POLQ: variants seen among roughly 807,000 people sequenced by gnomAD.
POLQ encodes epididymis secretory sperm binding protein.
POLQ carries 233 observed loss-of-function variants against 259.2 expected under a neutral mutation model. The ratio of observed to expected loss-of-function variants is 0.90; its 90% CI spans 0.81 to 1.00. The LOEUF is 1.00. POLQ is among the 50% of genes least tolerant of loss of function. The pLI, the probability that POLQ is intolerant of heterozygous loss-of-function variation, is 0.00. For synonymous variants in POLQ, 1,025 were observed against 1,048.8 expected (o/e 0.98, Z 0.44); for missense variants, 2,871 against 3,051.6 (o/e 0.94, Z 1.39).
intron 24 of POLQ, 35 bp downstream of exon 24, chr3:121,467,484 G>A (rs749183505): frequency 1.2e-6 from 2 of 1,605,554 alleles, no homozygotes; most frequent in African/African-American, 1.3e-5. Flanking sequence ...CATTCTCACA[G>A]CAATGAGAAG....
intron 7 of POLQ, 52 bp downstream of exon 7, chr3:121,529,593 T>C: frequency 1.3e-6 from 2 of 1,555,340 alleles, no homozygotes; most frequent in East Asian, 2.2e-5. Flanking sequence ...CTACCATTAC[T>C]TTCAAGCAAA....
chr3:121,478,531 A>G (rs1023791742), intron 19 of POLQ, among the ~76,000 whole-genome samples: 5 of 151,440 alleles, frequency 3.3e-5, no homozygotes, highest in Non-Finnish European at 7.4e-5. Flanking sequence ...TCAATAATCA[A>G]ATAAGCAGAA....
chr3:121,497,097 C>G (rs1186334302), intron 13 of POLQ, among the ~76,000 whole-genome samples, 165 bp from the exon 14 acceptor site: 2 of 152,150 alleles, frequency 1.3e-5, no homozygotes, highest in African/African-American at 4.8e-5. Context: ...AGGCTGAGAT[C>G]AATGCTTGCA....
chr3:121,494,341 T>C, intron 14 of POLQ: 11 of 1,598,060 alleles, frequency 6.9e-6, no homozygotes, highest in Non-Finnish European at 9.4e-6. Context: ...AAGTGCCTCC[T>C]GCGATTAACC....
intron 10 of POLQ, among the ~76,000 whole-genome samples, 183 bp from the exon 11 acceptor site, chr3:121,510,426 A>C (rs1383210357): frequency 6.6e-6 from 1 of 151,916 alleles, no homozygotes; most frequent in Non-Finnish European, 1.5e-5. Context: ...AAATACAAAA[A>C]AATTAGCCAG....
chr3:121,528,961 TAATA>T (rs994678873), intron 7 of POLQ, among the ~76,000 whole-genome samples: 10 of 152,090 alleles, frequency 6.6e-5, no homozygotes, highest in African/African-American at 2.2e-4. Context: ...CAAAAAATAA[TAATA>T]AATAAATAAT....
At chr3:121,449,773 CT>C (rs1052832041) in intron 25 of POLQ, among the ~76,000 whole-genome samples, 1 of 152,140 alleles carries the variant, frequency 6.6e-6, no homozygotes, top group African/African-American at 2.4e-5. Context: ...CTTCAAGTGC[CT>C]AGGAGTCAGG....
intron 7 of POLQ, among the ~76,000 whole-genome samples, chr3:121,525,879 C>T (rs904849817): frequency 6.6e-6 from 1 of 152,166 alleles, no homozygotes; most frequent in Admixed American, 6.5e-5. Context: ...TATCTTGAAA[C>T]CCTTTACCTC....
chr3:121,477,893 T>C (rs2047939870), intron 19 of POLQ, among the ~76,000 whole-genome samples: 1 of 152,154 alleles, frequency 6.6e-6, no homozygotes, highest in African/African-American at 2.4e-5. Flanking sequence ...TACTGGCCTC[T>C]AACTACATGC....
At chr3:121,455,481 G>A (rs1359583417) in intron 25 of POLQ, among the ~76,000 whole-genome samples, 1 of 150,616 alleles carries the variant, frequency 6.6e-6, no homozygotes, top group Non-Finnish European at 1.5e-5. Context: ...TTGATAGACT[G>A]CTAGCAAGAC....
Position 121,456,375 on chromosome 3 carries a change from C to A in POLQ, c.7152+3675G>T, listed in dbSNP as rs1200802197. On this transcript the variant is annotated intron_variant, in intron 25 of 29. Transcript: ENST00000264233. The stretch of plus-strand genomic sequence containing the variant: ...CCTATTCAACATAGTGTTGGAAGAT[C>A]TGGCCAGGGCAATCAGGCAGGAGAA... Among the ~76,000 whole-genome samples, 4 of 151,970 alleles carry A rather than the reference C, an allele frequency of 2.6e-5. No homozygotes were observed. The East Asian group carries it at 7.8e-4, about 29-fold the overall frequency.
chr3:121,494,247 C>T, intron 14 of POLQ: 3 of 1,587,588 alleles, frequency 1.9e-6, no homozygotes, highest in Non-Finnish European at 2.6e-6. Flanking sequence ...GACATCCAGC[C>T]CAAAAGAGAC....
chr3:121,494,597 A>G (rs968143557), intron 14 of POLQ: 16 of 1,549,680 alleles, frequency 1.0e-5, no homozygotes, highest in Non-Finnish European at 1.3e-5. Flanking sequence ...CGCGGATCCC[A>G]TCAAGCTGGC....
chr3:121,445,554 T>A (rs1313121035), intron 26 of POLQ, among the ~76,000 whole-genome samples: 1 of 152,150 alleles, frequency 6.6e-6, no homozygotes, highest in Non-Finnish European at 1.5e-5. Flanking sequence ...GTCAATTTTA[T>A]CTTTTCAAAA....
chr3:121,450,917 C>A (rs2047669995), intron 25 of POLQ, among the ~76,000 whole-genome samples: 1 of 152,210 alleles, frequency 6.6e-6, no homozygotes, highest in South Asian at 2.1e-4. Flanking sequence ...CGGTCACTTT[C>A]AGGTACACCA....
At chr3:121,486,152 A>C (rs2048008817) in intron 16 of POLQ, among the ~76,000 whole-genome samples, 2 of 152,250 alleles carry the variant, frequency 1.3e-5, no homozygotes, top group South Asian at 4.1e-4. Flanking sequence ...ACTCAAGATA[A>C]ATCTTGGAAA....
intron 25 of POLQ, among the ~76,000 whole-genome samples, chr3:121,453,387 G>A (rs529196948): frequency 9.2e-5 from 14 of 152,354 alleles, no homozygotes; most frequent in Admixed American, 7.2e-4. Flanking sequence ...AAAGCTGGAT[G>A]GAGAATGACT....
chr3:121,512,469 T>C (rs1403468501), intron 9 of POLQ, among the ~76,000 whole-genome samples: 1 of 152,196 alleles, frequency 6.6e-6, no homozygotes, highest in Non-Finnish European at 1.5e-5. Context: ...GTTTGCCCCA[T>C]ATATTTACCT....
Position 121,544,778 on chromosome 3 carries a change from C to G in POLQ, c.292G>C (p.Glu98Gln), listed in dbSNP as rs767406495. The G allele has an allele frequency of 6.2e-7, 1 of 1,613,668 alleles. No homozygotes were observed. ...GVKKMFEWQA[E>Q]CLLLGQVLEG... The stretch of plus-strand genomic sequence containing the variant: ...AGGACTTGTCCAAGCAAAAGGCACT[C>G]TGCCTGCCATTCAAACATCTTTTTT... The change falls in exon 2 of 30, where the codon GAG (glutamate) becomes CAG (glutamine). Residue 98 changes from glutamate (E) to glutamine (Q), a missense_variant. Coordinates refer to ENST00000264233, the MANE Select transcript of POLQ (RefSeq NM_199420.4).
Sources: gnomAD v4.1 joint callset for allele counts (sites outside exome capture counted in the v4.1 genomes callset) on GRCh38, gnomAD v4.1.1 for gene constraint, MANE v1.5 for transcripts, NCBI Gene and HGNC (gene_info 2026-07-23, HGNC 2026-07-21) for gene names.